The following RAP1GAP2 variants were observed in gnomAD, a reference collection of about 807,000 sequenced individuals.
RAP1GAP2 encodes rap1 GTPase-activating protein 2.
In RAP1GAP2, 27 loss-of-function variants were observed where a neutral mutation model predicts 95.0. The ratio of observed to expected loss-of-function variants is 0.28; its 90% CI spans 0.21 to 0.39. The LOEUF (loss-of-function observed/expected upper bound fraction) is 0.39, where lower values mean the gene tolerates loss of function less well. RAP1GAP2 is among the 10% of genes least tolerant of loss of function. The probability of loss-of-function intolerance (pLI) is 1.00; values close to 1 mark genes in which losing one functional copy is unlikely to be tolerated. For synonymous variants in RAP1GAP2, 373 were observed against 380.9 expected, an observed-to-expected ratio of 0.98 and a Z score of 0.24; for missense variants, 771 against 970.0, an observed-to-expected ratio of 0.79 and a Z score of 2.72.
At chr17:2,982,056 A>T (rs970101060) in intron 10 of RAP1GAP2, among the ~76,000 whole-genome samples, 1 of 152,154 alleles carries the variant, frequency 6.6e-6, no homozygotes, top group Admixed American at 6.5e-5. Flanking sequence ...CTGAGTCCCA[A>T]CTCTGACAAC....
At chr17:2,980,856 G>T (rs1272876461) in intron 9 of RAP1GAP2, among the ~76,000 whole-genome samples, 1 of 152,288 alleles carries the variant, frequency 6.6e-6, no homozygotes, top group East Asian at 1.9e-4. Flanking sequence ...AGTCAGCTGG[G>T]TTGGTTGGAC....
rs1296634348 is a variant in RAP1GAP2, at chr17:3,036,247, T to C, written c.*2886T>C. The C allele has an allele frequency of 6.6e-6, 1 of 152,202 alleles. No homozygotes were observed. The highest frequency in any genetic ancestry group is 1.9e-4 in the East Asian group (1 of 5,198). 9.4% of individuals were successfully genotyped at this position (152,202 alleles called of 1,614,324 possible). On this transcript the variant is annotated 3_prime_UTR_variant, in exon 25 of 25. Transcript: ENST00000254695. ...CTCTTTTTAGCATCTCATCCAACCA[T>C]GTCATCGTCCAGATGAGAAATCTTA...
rs1323345602 is a variant in RAP1GAP2, at chr17:2,870,785, G to A, written c.81-34499G>A. Reference sequence around the variant, plus strand: ...TATTGGCTGGGGTAACCCATCTGTGGAAAGGGTTGGGCCTCAGAAACAGCT... The same window carrying A: ...TATTGGCTGGGGTAACCCATCTGTGAAAAGGGTTGGGCCTCAGAAACAGCT... On this transcript the variant is annotated intron_variant, in intron 2 of 24. Transcript: ENST00000254695. The surrounding 1 kb of genome is among the most constrained non-coding windows in gnomAD (Gnocchi z 4.4). Among the ~76,000 whole-genome samples, 2 of 152,124 alleles carry A rather than the reference G, an allele frequency of 1.3e-5. No individual in the cohort carries two copies. Among genetic ancestry groups the A allele is most frequent in the Admixed American group, 1.3e-4 (2 of 15,258 alleles).
intron 14 of RAP1GAP2, among the ~76,000 whole-genome samples, chr17:3,002,481 C>T (rs749624677): frequency 5.3e-5 from 8 of 152,214 alleles, no homozygotes; most frequent in Non-Finnish European, 1.2e-4. Context: ...CATCCACACT[C>T]CCGGCAGCAC....
chr17:2,933,863 G>A (rs898787103), intron 3 of RAP1GAP2, among the ~76,000 whole-genome samples: 2 of 152,264 alleles, frequency 1.3e-5, no homozygotes, highest in Non-Finnish European at 2.9e-5. Flanking sequence ...CCAGGAGCTC[G>A]GCCAGCTGAC....
chr17:2,841,541 T>G, intron 2 of RAP1GAP2, among the ~76,000 whole-genome samples: 1 of 151,950 alleles, frequency 6.6e-6, no homozygotes, highest in East Asian at 2.0e-4. Context: ...CTCCTGACCT[T>G]GTGATCTGCC....
chr17:2,947,339 A>G (rs2043735056), intron 3 of RAP1GAP2, among the ~76,000 whole-genome samples: 1 of 152,082 alleles, frequency 6.6e-6, no homozygotes, highest in African/African-American at 2.4e-5. Context: ...CCCACTGGGC[A>G]TAGGGTTGGC....
intron 2 of RAP1GAP2, among the ~76,000 whole-genome samples, chr17:2,829,132 G>A (rs1177408852): frequency 2.6e-5 from 4 of 151,792 alleles, no homozygotes; most frequent in African/African-American, 7.3e-5. Flanking sequence ...ACAGGCACCC[G>A]CCACCACGCC....
chr17:2,825,792 C>T lies in RAP1GAP2; in HGVS notation c.80+25242C>T, dbSNP rs139321222. ...GGGTCTGGTGCCCGCATCCAAGGAA[C>T]TCACAGTCTCTGGAGGAAACAGACA... On this transcript the variant is annotated intron_variant, in intron 2 of 24. Transcript: ENST00000254695. This position sits in a 1 kb window ranked among gnomAD's most constrained non-coding sequence, Gnocchi z 4.1. 2.1e-4 allele frequency among the ~76,000 whole-genome samples: 32 copies of T among 152,200 alleles called. No homozygotes were observed. The East Asian group carries it at 6.2e-3, about 29-fold the overall frequency.
chr17:2,993,356 G>C (rs1052977695), intron 12 of RAP1GAP2, among the ~76,000 whole-genome samples: 1 of 151,074 alleles, frequency 6.6e-6, no homozygotes, highest in Non-Finnish European at 1.5e-5. Context: ...GGCAGATCAC[G>C]AGGTCAGGAG....
At chr17:2,927,273 C>T (rs1188862671) in intron 3 of RAP1GAP2, among the ~76,000 whole-genome samples, 2 of 151,938 alleles carry the variant, frequency 1.3e-5, no homozygotes, top group Non-Finnish European at 2.9e-5. Flanking sequence ...CCTGCCTCAG[C>T]CTCCCGAGTA....
chr17:3,025,157 A>G (rs1246317613), intron 19 of RAP1GAP2, among the ~76,000 whole-genome samples: 1 of 152,204 alleles, frequency 6.6e-6, no homozygotes, highest in African/African-American at 2.4e-5. Context: ...CAGGCAGATG[A>G]CTTGAGGTCA....
rs2046398353 is a variant in RAP1GAP2, at chr17:3,008,285, G to A, written c.1494+140G>A. 17 of 1,313,240 alleles carry A rather than the reference G, an allele frequency of 1.3e-5. No homozygotes were observed. In the South Asian group the frequency reaches 2.3e-4, roughly 17 times the overall value. 81.3% of individuals were successfully genotyped at this position (1,313,240 alleles called of 1,614,324 possible). A position where few individuals can be genotyped will look rare whatever the true frequency, so the allele number is the denominator to read the frequency against. On this transcript the variant is annotated intron_variant, in intron 17 of 24. Coordinates refer to ENST00000254695, the MANE Select transcript of RAP1GAP2 (RefSeq NM_015085.5). This position sits in a 1 kb window ranked among gnomAD's most constrained non-coding sequence, Gnocchi z 4.2. ...GACAGGAAACGTATGGGTATCCTAG[G>A]TGTTTGCAAAGGGCAGGGCCGTTAG...
intron 2 of RAP1GAP2, among the ~76,000 whole-genome samples, chr17:2,888,602 C>A (rs954112250): frequency 4.0e-5 from 6 of 150,574 alleles, no homozygotes; most frequent in African/African-American, 1.5e-4. Context: ...GGATTTGGTT[C>A]TTTTTTTATG....
At chr17:2,872,411 G>T (rs1436237816) in intron 2 of RAP1GAP2, among the ~76,000 whole-genome samples, 1 of 151,964 alleles carries the variant, frequency 6.6e-6, no homozygotes, top group Non-Finnish European at 1.5e-5. Flanking sequence ...AGAGGAAAAA[G>T]AAGGTCATAT....
At chr17:3,010,894 G>A (rs967447784) in intron 17 of RAP1GAP2, among the ~76,000 whole-genome samples, 3 of 152,126 alleles carry the variant, frequency 2.0e-5, no homozygotes, top group Non-Finnish European at 4.4e-5. Flanking sequence ...TCAGGGCCCT[G>A]ACGGTTGTGA....
rs1191524911 is a variant in RAP1GAP2 at position 3,013,655 on chromosome 17, G to C, written c.1495-4406G>C. ...TTCTTTTTTTTTTTTTTTTTTTTTG[G>C]TGGGAGCCTTGAAAATTCGTGGTTT... On this transcript the variant is annotated intron_variant, in intron 17 of 24. Transcript: ENST00000254695. Among the ~76,000 whole-genome samples the C allele has an allele frequency of 3.1e-4, 8 of 25,850 alleles. No homozygotes were observed. The South Asian group carries it at 7.2e-3, about 23-fold the overall frequency. 17.0% of individuals were successfully genotyped at this position (25,850 alleles called of 152,430 possible).
At chr17:2,973,683 A>G (rs796904383) in intron 8 of RAP1GAP2, among the ~76,000 whole-genome samples, 55 of 152,326 alleles carry the variant, frequency 3.6e-4, no homozygotes, top group African/African-American at 1.3e-3. Flanking sequence ...GATGAAGTAT[A>G]TGAAAAAGAA....
Position 2,906,376 on chromosome 17 carries a change from A to G in RAP1GAP2, c.165+1008A>G, listed in dbSNP as rs2042199167. Among the ~76,000 whole-genome samples the G allele has an allele frequency of 6.6e-6, 1 of 152,024 alleles. No individual in the cohort carries two copies. Among genetic ancestry groups the G allele is most frequent in the South Asian group, 2.1e-4 (1 of 4,812 alleles). On this transcript the variant is annotated intron_variant, in intron 3 of 24. Coordinates refer to ENST00000254695, the MANE Select transcript of RAP1GAP2 (RefSeq NM_015085.5). The surrounding 1 kb of genome is among the most constrained non-coding windows in gnomAD (Gnocchi z 4.3). ...TGTTGTTGTCCTGTATCCGATACCC[A>G]TCACATACAGAGCCATGTGGTATGC...
Sources: gnomAD v4.1 joint callset for allele counts (sites outside exome capture counted in the v4.1 genomes callset) on GRCh38, gnomAD v4.1.1 for gene constraint, Gnocchi (gnomAD v3.1) non-coding constraint, MANE v1.5 for transcripts, NCBI Gene and HGNC (gene_info 2026-07-23, HGNC 2026-07-21) for gene names.